EPHA5: variants seen among roughly 807,000 people sequenced by gnomAD.
EPHA5 encodes EPH receptor A5.
EPHA5 carries 60 observed loss-of-function variants against 105.0 expected under a neutral mutation model. The ratio of observed to expected loss-of-function variants is 0.57; its 90% confidence interval spans 0.46 to 0.71. The LOEUF is 0.71. EPHA5 is among the 30% of genes least tolerant of loss of function. The pLI, the probability that EPHA5 is intolerant of heterozygous loss-of-function variation, is 0.00. For synonymous variants in EPHA5, 513 were observed against 449.1 expected (o/e 1.14, Z -1.80); for missense variants, 1,218 against 1,274.7 (o/e 0.96, Z 0.68).
intron 13 of EPHA5, among the ~76,000 whole-genome samples, chr4:65,350,154 A>C (rs13123581): frequency 0.56 from 85,726 of 151,822 alleles, 24,640 homozygotes; most frequent in East Asian, 0.81. Context: ...TTGATCAGGC[A>C]AAATTTATTA....
chr4:65,370,150 A>G (rs983685543), intron 8 of EPHA5, among the ~76,000 whole-genome samples: 1 of 152,168 alleles, frequency 6.6e-6, no homozygotes, highest in African/African-American at 2.4e-5. Context: ...CATAACACTT[A>G]GATACATATG....
At chr4:65,642,839 A>C (rs371405825) in intron 2 of EPHA5, among the ~76,000 whole-genome samples, 13 of 152,130 alleles carry the variant, frequency 8.5e-5, no homozygotes, top group Middle Eastern at 3.4e-3. Flanking sequence ...ATGATATTAT[A>C]ATAGTTTCTT....
intron 5 of EPHA5, among the ~76,000 whole-genome samples, chr4:65,482,575 T>G (rs977615348): frequency 2.0e-5 from 3 of 152,094 alleles, no homozygotes; most frequent in Non-Finnish European, 4.4e-5. Context: ...AAAAACACAG[T>G]ACTCTAGCAT....
chr4:65,418,322 T>C (rs1193696884), intron 6 of EPHA5, among the ~76,000 whole-genome samples: 1 of 152,188 alleles, frequency 6.6e-6, no homozygotes, highest in Non-Finnish European at 1.5e-5. Flanking sequence ...TTTTTTGATA[T>C]AGCCTATGTT....
intron 4 of EPHA5, 43 bp from the exon 5 acceptor site, chr4:65,490,755 TATTA>T (rs756139717): frequency 3.2e-6 from 5 of 1,570,430 alleles, no homozygotes; most frequent in Middle Eastern, 1.7e-4. Context: ...TTTAAGATGG[TATTA>T]ATTAGGCATT....
At chr4:65,362,213 C>T (rs955883156) in intron 11 of EPHA5, among the ~76,000 whole-genome samples, 3 of 148,016 alleles carry the variant, frequency 2.0e-5, no homozygotes, top group Admixed American at 6.9e-5. Flanking sequence ...CTCACGATGA[C>T]ACCACCCATA....
chr4:65,406,548 G>T (rs1369553066), intron 7 of EPHA5, among the ~76,000 whole-genome samples: 1 of 151,996 alleles, frequency 6.6e-6, no homozygotes, highest in Non-Finnish European at 1.5e-5. Flanking sequence ...CTTCATGAAT[G>T]CTCACTCCTG....
intron 11 of EPHA5, among the ~76,000 whole-genome samples, chr4:65,362,899 G>C (rs1362071332): frequency 1.3e-5 from 2 of 151,598 alleles, no homozygotes; most frequent in South Asian, 4.1e-4. Flanking sequence ...AAGCAAAAGA[G>C]ACAAAATTAA....
At chr4:65,626,100 CAAAA>C (rs11304193) in intron 2 of EPHA5, among the ~76,000 whole-genome samples, 4 of 131,596 alleles carry the variant, frequency 3.0e-5, no homozygotes, top group Non-Finnish European at 3.2e-5. Flanking sequence ...CACTCCGTCT[CAAAA>C]AAAAAAAAAA....
chr4:65,348,709 G>A (rs1284353189), intron 13 of EPHA5, among the ~76,000 whole-genome samples: 4 of 119,254 alleles, frequency 3.4e-5, no homozygotes, highest in Non-Finnish European at 6.9e-5. Flanking sequence ...AAATATATAT[G>A]TGTGTGTATA....
At chr4:65,415,718 G>T (rs916913123) in intron 6 of EPHA5, among the ~76,000 whole-genome samples, 1 of 151,836 alleles carries the variant, frequency 6.6e-6, no homozygotes, top group Non-Finnish European at 1.5e-5. Flanking sequence ...TTGAGCCAAG[G>T]ATTCAAAGTA....
At chr4:65,644,881 A>G (rs753322531) in intron 1 of EPHA5, among the ~76,000 whole-genome samples, 11 of 151,978 alleles carry the variant, frequency 7.2e-5, no homozygotes, top group Non-Finnish European at 1.5e-4. Context: ...TTGTTGCTAA[A>G]TATACTTTAT....
chr4:65,656,471 A>C (rs1447225799), intron 1 of EPHA5, among the ~76,000 whole-genome samples: 1 of 150,866 alleles, frequency 6.6e-6, no homozygotes, highest in East Asian at 1.9e-4. Flanking sequence ...CACATTCCAT[A>C]TGCATGTTTT....
chr4:65,569,846 C>T (rs1739935502), intron 3 of EPHA5, among the ~76,000 whole-genome samples: 1 of 151,600 alleles, frequency 6.6e-6, no homozygotes, highest in Non-Finnish European at 1.5e-5. Flanking sequence ...TTTTTGCATA[C>T]CCTCATCCTC....
At chr4:65,613,606 T>C (rs1040493143) in intron 2 of EPHA5, among the ~76,000 whole-genome samples, 11 of 151,976 alleles carry the variant, frequency 7.2e-5, no homozygotes, top group Non-Finnish European at 1.5e-4. Flanking sequence ...TAGTTAAATA[T>C]ATTAAGAATT....
chr4:65,334,586 A>G (rs1720990736), intron 15 of EPHA5, among the ~76,000 whole-genome samples: 1 of 152,006 alleles, frequency 6.6e-6, no homozygotes, highest in South Asian at 2.1e-4. Context: ...ACAATGGACC[A>G]GGAACTAACA....
chr4:65,346,132 T>C (rs1409017480), intron 14 of EPHA5, among the ~76,000 whole-genome samples: 1 of 151,450 alleles, frequency 6.6e-6, no homozygotes, highest in African/African-American at 2.4e-5. Flanking sequence ...AAGTTAAACA[T>C]TTTTTCATAC....
intron 5 of EPHA5, among the ~76,000 whole-genome samples, chr4:65,479,498 G>A (rs992516012): frequency 6.6e-6 from 1 of 152,156 alleles, no homozygotes; most frequent in African/African-American, 2.4e-5. Context: ...TAGGTACCTT[G>A]TATAGGGAAA....
intron 8 of EPHA5, among the ~76,000 whole-genome samples, chr4:65,386,082 A>AT (rs1038706060): frequency 6.6e-6 from 1 of 151,826 alleles, no homozygotes; most frequent in Admixed American, 6.6e-5. Flanking sequence ...CATTTTAAAG[A>AT]TTTTTTTATA....
Sources: allele counts gnomAD v4.1 joint callset (sites outside exome capture counted in the v4.1 genomes callset), GRCh38; gene constraint gnomAD v4.1.1; transcripts MANE v1.5; gene names NCBI Gene and HGNC (gene_info 2026-07-23, HGNC 2026-07-21).